Variants in TEX9 observed in about 807,000 individuals in gnomAD.
TEX9 encodes testis-expressed protein 9.
A neutral mutation model predicts 59.6 loss-of-function variants in TEX9; 74 were observed. The ratio of observed to expected loss-of-function variants is 1.24; its 90% CI spans 1.03 to 1.51. TEX9 has a LOEUF of 1.51. TEX9 is among the 40% of genes most tolerant of loss of function. The pLI, the probability that TEX9 is intolerant of heterozygous loss-of-function variation, is 0.00. For missense variants in TEX9, 522 were observed against 447.8 expected (o/e 1.17, Z -1.49); for synonymous variants, 186 against 152.2 (o/e 1.22, Z -1.64).
At chr15:56,290,407 T>C (rs1230936032) in intron 1 of TEX9, among the ~76,000 whole-genome samples, 3 of 152,048 alleles carry the variant, frequency 2.0e-5, no homozygotes, top group African/African-American at 7.2e-5. Context: ...CTCCTAGTGA[T>C]CTCTTGGTGT....
At chr15:56,454,063 CTT>C in the TEX9 span, among the ~76,000 whole-genome samples, 243 of 145,326 alleles carry the variant, frequency 1.7e-3, 2 homozygotes, top group African/African-American at 5.7e-3. Flanking sequence ...TAAAAACACT[CTT>C]AGCAATTCTG....
At chr15:56,451,783 T>C in the TEX9 span, among the ~76,000 whole-genome samples, 1 of 152,310 alleles carries the variant, frequency 6.6e-6, no homozygotes, top group South Asian at 2.1e-4. Flanking sequence ...TATTGGGACA[T>C]GAACCCATCG....
chr15:56,244,407 G>C (rs2043787835), intron 1 of TEX9: 1 of 152,086 alleles, frequency 6.6e-6, no homozygotes, highest in African/African-American at 2.4e-5. Context: ...TCCTCGGTCG[G>C]GCATTCAAAG....
chr15:56,394,460 AT>A, intron 8 of TEX9, 200 bp from the exon 9 acceptor site: 1 of 626,984 alleles, frequency 1.6e-6, no homozygotes, highest in Non-Finnish European at 2.7e-6. Context: ...AATTCTCTAT[AT>A]TAGTCTTACA....
At chr15:56,277,603 G>A (rs1468687703) in intron 1 of TEX9, among the ~76,000 whole-genome samples, 1 of 152,198 alleles carries the variant, frequency 6.6e-6, no homozygotes, top group Non-Finnish European at 1.5e-5. Flanking sequence ...CAGGTAGCAT[G>A]TTGCCTCCAG....
chr15:56,401,310 A>C (rs1840599343), intron 9 of TEX9, among the ~76,000 whole-genome samples: 2 of 21,922 alleles, frequency 9.1e-5, no homozygotes, highest in Non-Finnish European at 2.0e-4. Flanking sequence ...ATTGAAAGCA[A>C]AAAAAAAAAA....
At chr15:56,381,675 G>A (rs552201207) in intron 3 of TEX9, among the ~76,000 whole-genome samples, 28 of 152,308 alleles carry the variant, frequency 1.8e-4, no homozygotes, top group African/African-American at 6.0e-4. Flanking sequence ...ACAGAGACTC[G>A]TTCTCTTCCT....
intron 12 of TEX9, among the ~76,000 whole-genome samples, chr15:56,432,518 G>C (rs2140322850): frequency 6.6e-6 from 1 of 152,230 alleles, no homozygotes; most frequent in South Asian, 2.1e-4. Context: ...CTTGGGGCCA[G>C]AACAAAAATG....
chr15:56,434,349 T>C (rs752244310), intron 12 of TEX9: 1 of 1,613,378 alleles, frequency 6.2e-7, no homozygotes, highest in East Asian at 2.2e-5. Flanking sequence ...TTCTTCAAAA[T>C]CTTGCTTCAT....
At chr15:56,346,466 T>C (rs1363850286) in intron 1 of TEX9, among the ~76,000 whole-genome samples, 3 of 152,168 alleles carry the variant, frequency 2.0e-5, no homozygotes, top group African/African-American at 7.2e-5. Context: ...GAGTCTAACC[T>C]CTGCACAAAA....
At chr15:56,370,706 T>G (rs2047155875) in intron 2 of TEX9, among the ~76,000 whole-genome samples, 1 of 152,262 alleles carries the variant, frequency 6.6e-6, no homozygotes, top group South Asian at 2.1e-4. Flanking sequence ...TTTGGTAGTT[T>G]AGGGAGTACT....
At chr15:56,383,046 G>T (rs2047801906) in intron 3 of TEX9, among the ~76,000 whole-genome samples, 1 of 152,198 alleles carries the variant, frequency 6.6e-6, no homozygotes, top group African/African-American at 2.4e-5. Flanking sequence ...GGCAAGACTT[G>T]CTGACAAACT....
intron 10 of TEX9, among the ~76,000 whole-genome samples, chr15:56,425,124 T>A (rs887733071): frequency 6.6e-6 from 1 of 152,168 alleles, no homozygotes; most frequent in Non-Finnish European, 1.5e-5. Flanking sequence ...TTACAGATGC[T>A]CCCTTGCATG....
intron 1 of TEX9, among the ~76,000 whole-genome samples, chr15:56,256,832 A>G (rs375317890): frequency 2.0e-5 from 3 of 152,094 alleles, no homozygotes; most frequent in Non-Finnish European, 4.4e-5. Flanking sequence ...CGTTTGTTAC[A>G]TAGGTAAATG....
intron 1 of TEX9, among the ~76,000 whole-genome samples, chr15:56,333,855 G>A (rs548087642): frequency 6.6e-6 from 1 of 152,166 alleles, no homozygotes; most frequent in African/African-American, 2.4e-5. Flanking sequence ...AAAATCAGTA[G>A]CATTTTTATA....
intron 1 of TEX9, among the ~76,000 whole-genome samples, chr15:56,306,024 C>A (rs1220601348): frequency 6.6e-6 from 1 of 151,894 alleles, no homozygotes; most frequent in Non-Finnish European, 1.5e-5. Context: ...TAAAAACATG[C>A]TCAATAGAAA....
intron 1 of TEX9, among the ~76,000 whole-genome samples, chr15:56,250,172 A>G (rs1429725892): frequency 6.6e-6 from 1 of 152,214 alleles, no homozygotes; most frequent in African/African-American, 2.4e-5. Flanking sequence ...GCACACCCAA[A>G]TTTGTACTTG....
At chr15:56,442,730 C>G (rs911309257) in intron 12 of TEX9, among the ~76,000 whole-genome samples, 1 of 152,164 alleles carries the variant, frequency 6.6e-6, no homozygotes. Context: ...ACACTGGGGC[C>G]TACTTGAGGG....
At chr15:56,448,855 G>A (rs922836169), downstream of TEX9, among the ~76,000 whole-genome samples, 5 of 149,442 alleles carry the variant, frequency 3.3e-5, no homozygotes, top group Non-Finnish European at 7.4e-5. Flanking sequence ...CCAGGTTCAC[G>A]CGATTCTCCT....
Sources: allele counts gnomAD v4.1 joint callset (sites outside exome capture counted in the v4.1 genomes callset), GRCh38; gene constraint gnomAD v4.1.1; transcripts MANE v1.5; gene names NCBI Gene and HGNC (gene_info 2026-07-23, HGNC 2026-07-21).